The following DCC variants were observed in gnomAD, a reference collection of about 807,000 sequenced individuals.
DCC encodes netrin receptor DCC.
Under a neutral mutation model 172.5 loss-of-function variants are expected in DCC, and 58 were observed. The ratio of observed to expected loss-of-function variants is 0.34; its 90% CI spans 0.27 to 0.42. DCC has a LOEUF of 0.42. Among genes scored for constraint, DCC ranks in the 10% least tolerant of loss-of-function variants. The pLI, the probability that DCC is intolerant of heterozygous loss-of-function variation, is 1.00. For synonymous variants in DCC, 709 were observed against 644.5 expected, an observed-to-expected ratio of 1.10 and a Z score of -1.52; for missense variants, 1,740 against 1,791.0, an observed-to-expected ratio of 0.97 and a Z score of 0.51.
At chr18:52,544,674 C>A (rs1187730906) in intron 1 of DCC, among the ~76,000 whole-genome samples, 1 of 151,998 alleles carries the variant, frequency 6.6e-6, no homozygotes, top group Non-Finnish European at 1.5e-5. Context: ...CTTTAGCCAC[C>A]TGTATCATAA....
intron 1 of DCC, among the ~76,000 whole-genome samples, chr18:52,556,922 C>A (rs76243061): frequency 6.6e-6 from 1 of 152,076 alleles, no homozygotes; most frequent in Non-Finnish European, 1.5e-5. Flanking sequence ...CCTGAACTGG[C>A]CCAATGGCTA....
chr18:52,990,732 A>G (rs2041376257), intron 5 of DCC, among the ~76,000 whole-genome samples: 1 of 152,154 alleles, frequency 6.6e-6, no homozygotes, highest in African/African-American at 2.4e-5. Flanking sequence ...CTGGAAGAAT[A>G]GCTTATTTGT....
intron 1 of DCC, among the ~76,000 whole-genome samples, chr18:52,742,038 T>C (rs529921366): frequency 1.5e-4 from 23 of 152,214 alleles, no homozygotes; most frequent in Admixed American, 1.2e-3. Flanking sequence ...TGTCTCCCCA[T>C]GAACAAAGAA....
intron 12 of DCC, among the ~76,000 whole-genome samples, chr18:53,269,262 T>G (rs1226174062): frequency 6.6e-6 from 1 of 152,230 alleles, no homozygotes; most frequent in Non-Finnish European, 1.5e-5. Context: ...CAAAAAATGT[T>G]TTAAAATATT....
rs1484154262 is a variant in DCC, at chr18:53,459,456, C to T, written c.3617C>T (p.Ser1206Leu). ...CTGGGAAGCAAAAGCACCTCTCATTCAGGTAATTATCTTTTCACTGGCATT... is the reference window on the plus strand; with the variant it reads ...CTGGGAAGCAAAAGCACCTCTCATTTAGGTAATTATCTTTTCACTGGCATT... ...TQLGSKSTSH[S>L]GQDTEEAGSS... Residue 1206 changes from serine (S) to leucine (L), a missense_variant and splice_region_variant, in exon 24 of 29, where the codon TCA (serine) becomes TTA (leucine). Coordinates refer to ENST00000442544, the MANE Select transcript of DCC (RefSeq NM_005215.4). The T allele has an allele frequency of 6.3e-7, 1 of 1,595,098 alleles. No individual in the cohort carries two copies.
chr18:53,390,090 A>G (rs1908441627), intron 16 of DCC, among the ~76,000 whole-genome samples: 2 of 152,196 alleles, frequency 1.3e-5, no homozygotes, highest in African/African-American at 2.4e-5. Flanking sequence ...AAACCGATGA[A>G]TGATTGGAAT....
chr18:52,906,452 A>G (rs2039883360), intron 3 of DCC, 124 bp downstream of exon 3: 1 of 1,034,712 alleles, frequency 9.7e-7, no homozygotes, highest in Non-Finnish European at 1.4e-6. Context: ...CGTTTTGTTT[A>G]TTATTTCTTT....
chr18:53,139,682 C>T (rs1023231485), intron 7 of DCC, among the ~76,000 whole-genome samples: 2 of 152,000 alleles, frequency 1.3e-5, no homozygotes, highest in Non-Finnish European at 1.5e-5. Context: ...GTGAGGAAAC[C>T]GAGACACTGA....
At chr18:52,395,854 C>A (rs550565648) in intron 1 of DCC, among the ~76,000 whole-genome samples, 1 of 152,138 alleles carries the variant, frequency 6.6e-6, no homozygotes, top group South Asian at 2.1e-4. Flanking sequence ...TTTAATGCAA[C>A]CTATTCTACA....
intron 5 of DCC, among the ~76,000 whole-genome samples, chr18:53,046,175 T>C (rs1392180650): frequency 1.3e-5 from 2 of 151,882 alleles, no homozygotes; most frequent in African/African-American, 4.8e-5. Flanking sequence ...CACCAAGTAA[T>C]CCTAAAAATA....
At chr18:52,387,735 T>C (rs1214589728) in intron 1 of DCC, among the ~76,000 whole-genome samples, 1 of 151,986 alleles carries the variant, frequency 6.6e-6, no homozygotes, top group Non-Finnish European at 1.5e-5. Context: ...CTGGCCTCAT[T>C]GTTTGAGGCC....
chr18:52,925,767 A>G (rs2040191961), intron 5 of DCC, among the ~76,000 whole-genome samples: 1 of 151,976 alleles, frequency 6.6e-6, no homozygotes, highest in Non-Finnish European at 1.5e-5. Context: ...GGTTTCTGAC[A>G]TTAAATTCAG....
At chr18:52,982,807 A>G (rs575341194) in intron 5 of DCC, among the ~76,000 whole-genome samples, 9 of 152,322 alleles carry the variant, frequency 5.9e-5, no homozygotes, top group Admixed American at 2.0e-4. Context: ...GATCATGACT[A>G]GGCTTTCAGC....
chr18:53,102,206 C>T (rs1054178393), intron 7 of DCC, among the ~76,000 whole-genome samples: 4 of 152,066 alleles, frequency 2.6e-5, no homozygotes, highest in East Asian at 1.9e-4. Flanking sequence ...AAAATGTAAT[C>T]GCTATAATTA....
chr18:53,383,808 T>C (rs572020138), intron 15 of DCC, among the ~76,000 whole-genome samples: 1 of 151,594 alleles, frequency 6.6e-6, no homozygotes, highest in Admixed American at 6.6e-5. Context: ...TCTAGGTCTT[T>C]TCATCTACAC....
Position 53,186,992 on chromosome 18 carries a change from G to C in DCC, c.1573+7876G>C, listed in dbSNP as rs183723937. Among the ~76,000 whole-genome samples, 10 of 152,236 alleles carry C rather than the reference G, an allele frequency of 6.6e-5. No homozygotes were observed. In the East Asian group the frequency reaches 1.9e-3, roughly 29 times the overall value. ...AAGGACTAATCTCTTCATGAGGGTA[G>C]AGCCCTCATGGCCTAATCATCTTTT... On this transcript the variant is annotated intron_variant, in intron 9 of 28. Transcript: ENST00000442544.
intron 7 of DCC, among the ~76,000 whole-genome samples, chr18:53,113,318 AATTT>A (rs1429760822): frequency 1.3e-5 from 2 of 151,440 alleles, no homozygotes; most frequent in Non-Finnish European, 3.0e-5. Context: ...AGTTGGATAT[AATTT>A]ATTAATTCGA....
At chr18:53,434,318 A>G (rs1875560) in intron 21 of DCC, among the ~76,000 whole-genome samples, 33,036 of 152,136 alleles carry the variant, frequency 0.22, 4,275 homozygotes, top group Non-Finnish European at 0.31. Flanking sequence ...AATGTTTTAC[A>G]TAAGTAGTCT....
intron 1 of DCC, among the ~76,000 whole-genome samples, chr18:52,641,862 T>C (rs553720433): frequency 1.3e-5 from 2 of 152,088 alleles, no homozygotes; most frequent in African/African-American, 4.8e-5. Context: ...ATCCCACTAC[T>C]GGGTATCTAC....
Sources: allele counts gnomAD v4.1 joint callset (sites outside exome capture counted in the v4.1 genomes callset), GRCh38; gene constraint gnomAD v4.1.1; transcripts MANE v1.5; gene names NCBI Gene and HGNC (gene_info 2026-07-23, HGNC 2026-07-21).